The following PLAAT4 variants were observed in gnomAD, a reference collection of about 807,000 sequenced individuals.
PLAAT4 encodes HRAS-like suppressor 4.
In PLAAT4, 12 loss-of-function variants were observed where a neutral mutation model predicts 14.1. The observed-to-expected ratio is 0.85, with a 90% CI of 0.54 to 1.37. The LOEUF (loss-of-function observed/expected upper bound fraction) is 1.37. Among genes scored for constraint, PLAAT4 ranks in the 40% most tolerant of loss-of-function variants. PLAAT4 has a pLI of 0.00. For synonymous variants in PLAAT4, 77 were observed against 79.8 expected, an observed-to-expected ratio of 0.96 and a Z score of 0.19; for missense variants, 163 against 211.7, an observed-to-expected ratio of 0.77 and a Z score of 1.43.
At chr11:63,543,502 G>A (rs1236922935) in intron 2 of PLAAT4, among the ~76,000 whole-genome samples, 5 of 152,154 alleles carry the variant, frequency 3.3e-5, no homozygotes, top group African/African-American at 4.8e-5. Flanking sequence ...GACAGGTCTC[G>A]CCATGTTGTC....
intron 3 of PLAAT4, among the ~76,000 whole-genome samples, 181 bp from the exon 4 acceptor site, chr11:63,545,968 C>T (rs940975388): frequency 1.3e-5 from 2 of 152,072 alleles, no homozygotes; most frequent in Non-Finnish European, 2.9e-5. Context: ...CCTGGGGATA[C>T]AACCAACGGC....
chr11:63,544,362 C>T (rs1590664724), intron 2 of PLAAT4, among the ~76,000 whole-genome samples: 1 of 152,086 alleles, frequency 6.6e-6, no homozygotes, highest in African/African-American at 2.4e-5. Flanking sequence ...TGCCTGTAGT[C>T]CCAGCTACTC....
chr11:63,543,856 A>G (rs546944196), intron 2 of PLAAT4, among the ~76,000 whole-genome samples: 2 of 152,348 alleles, frequency 1.3e-5, no homozygotes, highest in East Asian at 3.9e-4. Context: ...GGATTCCCTC[A>G]GGGTCAGCCC....
intron 2 of PLAAT4, among the ~76,000 whole-genome samples, chr11:63,541,348 C>T (rs2017319630): frequency 6.6e-6 from 1 of 152,090 alleles, no homozygotes. Flanking sequence ...CATGCCACCA[C>T]AGCCAGCTAG....
At chr11:63,544,337 C>T (rs1356323992) in intron 2 of PLAAT4, among the ~76,000 whole-genome samples, 4 of 151,986 alleles carry the variant, frequency 2.6e-5, no homozygotes, top group African/African-American at 4.8e-5. Context: ...TCTATTAGCC[C>T]GGCGTGGTGG....
At chr11:63,537,941 C>A (rs1010580850) in intron 1 of PLAAT4, among the ~76,000 whole-genome samples, 1 of 152,160 alleles carries the variant, frequency 6.6e-6, no homozygotes, top group African/African-American at 2.4e-5. Flanking sequence ...CAACTTGACC[C>A]CTGCAGAGAG....
chr11:63,544,628 C>G lies in PLAAT4; in HGVS notation c.126C>G (p.Tyr42Ter), dbSNP rs772902259. Reference protein sequence around the residue: ...YVIHLAPPSEYPGAGSSSVFS... With the variant: ...YVIHLAPPSE ...GAGTGCCTCTGATTGCAGGTGAGTA[C>G]CCCGGGGCTGGCTCCTCCAGTGTCT... The change falls in exon 3 of 4, where the codon TAC becomes TAG. Residue 42 changes from tyrosine (Y) to a stop codon, truncating the protein, a stop_gained. Coordinates refer to ENST00000255688, the MANE Select transcript of PLAAT4 (RefSeq NM_004585.5). LOFTEE classifies it high-confidence loss of function. 9.3e-6 allele frequency: 15 copies of G among 1,612,076 alleles called. No homozygotes were observed. The African/African-American group carries it at 1.9e-4, about 20-fold the overall frequency.
At position 63,539,167 on chromosome 11, in the gene PLAAT4, G is replaced by A. The variant is rs114971194; in HGVS notation, c.10-349G>A. Among the ~76,000 whole-genome samples, 747 of 152,310 alleles carry A rather than the reference G, an allele frequency of 4.9e-3. 8 individuals carry two copies. The highest frequency in any genetic ancestry group is 0.017 in the African/African-American group (716 of 41,572). On this transcript the variant is annotated intron_variant, in intron 1 of 3. Transcript: ENST00000255688. ...CCTTGCTCCTGGCCTCAGTGAAGGT[G>A]CTGGTTCATGCAGGCTCTTGAGTCG...
At chr11:63,543,459 C>T (rs919925033) in intron 2 of PLAAT4, among the ~76,000 whole-genome samples, 12 of 152,246 alleles carry the variant, frequency 7.9e-5, no homozygotes, top group African/African-American at 2.9e-4. Context: ...GCGTGTGCCA[C>T]CACGCGCAGC....
chr11:63,539,451 C>T (rs1343929528), intron 1 of PLAAT4, 65 bp from the exon 2 acceptor site: 5 of 1,370,656 alleles, frequency 3.6e-6, no homozygotes, highest in Non-Finnish European at 5.2e-6. Context: ...CTGCAGCTCC[C>T]CCAGCCAGGG....
intron 2 of PLAAT4, 104 bp from the exon 3 acceptor site, chr11:63,544,517 C>A: frequency 7.4e-7 from 1 of 1,349,624 alleles, no homozygotes; most frequent in Non-Finnish European, 1.0e-6. Context: ...ATCCTTCAAT[C>A]ACATTTGTGA....
At chr11:63,543,998 T>C (rs1351220065) in intron 2 of PLAAT4, among the ~76,000 whole-genome samples, 1 of 152,204 alleles carries the variant, frequency 6.6e-6, no homozygotes, top group Non-Finnish European at 1.5e-5. Context: ...ATTGAGATGA[T>C]AATATTTTCC....
intron 2 of PLAAT4, among the ~76,000 whole-genome samples, chr11:63,544,221 G>A (rs1721712478): frequency 6.6e-6 from 1 of 152,192 alleles, no homozygotes; most frequent in South Asian, 2.1e-4. Flanking sequence ...CCACAGAAGT[G>A]ATGTACATGC....
chr11:63,537,252 G>A (rs1166107282), intron 1 of PLAAT4, among the ~76,000 whole-genome samples: 1 of 147,068 alleles, frequency 6.8e-6, no homozygotes, highest in Non-Finnish European at 1.5e-5. Flanking sequence ...TGCTGTGACT[G>A]GGGCTCAGTC....
intron 1 of PLAAT4, chr11:63,538,493 A>G: frequency 3.6e-6 from 1 of 280,236 alleles, no homozygotes; most frequent in South Asian, 2.7e-5. Context: ...TAGTGACTGG[A>G]TATTGGCATG....
intron 1 of PLAAT4, among the ~76,000 whole-genome samples, 178 bp from the exon 2 acceptor site, chr11:63,539,338 C>A (rs1009576816): frequency 3.9e-5 from 6 of 152,224 alleles, no homozygotes; most frequent in Non-Finnish European, 5.9e-5. Context: ...GGCTTCCAGC[C>A]CCCAGTGCCC....
chr11:63,540,973 G>A (rs948160030), intron 2 of PLAAT4, among the ~76,000 whole-genome samples: 8 of 152,118 alleles, frequency 5.3e-5, no homozygotes, highest in Non-Finnish European at 1.2e-4. Context: ...CATTGTCACT[G>A]GACAAAAACC....
At chr11:63,542,455 C>T (rs1050843515) in intron 2 of PLAAT4, among the ~76,000 whole-genome samples, 2 of 152,104 alleles carry the variant, frequency 1.3e-5, no homozygotes, top group African/African-American at 4.8e-5. Context: ...TTCTGGGCTC[C>T]AATGGGAAGC....
At chr11:63,538,719 G>A (rs1402179659) in intron 1 of PLAAT4, among the ~76,000 whole-genome samples, 1 of 152,140 alleles carries the variant, frequency 6.6e-6, no homozygotes, top group Non-Finnish European at 1.5e-5. Flanking sequence ...CCAGGGTGAG[G>A]GGTGTGCAGG....
Sources: allele counts gnomAD v4.1 joint callset (sites outside exome capture counted in the v4.1 genomes callset), GRCh38; gene constraint gnomAD v4.1.1; transcripts MANE v1.5; gene names NCBI Gene and HGNC (gene_info 2026-07-23, HGNC 2026-07-21).